The following SNRNP40 variants were observed in gnomAD, a reference collection of about 807,000 sequenced individuals.
SNRNP40 encodes the protein small nuclear ribonucleoprotein U5 subunit 40, also known as U5 small nuclear ribonucleoprotein 40 kDa protein.
A neutral mutation model predicts 45.8 loss-of-function variants in SNRNP40; 21 were observed. That is an observed-to-expected ratio of 0.46 (90% CI 0.32 to 0.66). SNRNP40 has a LOEUF of 0.66. Among genes scored for constraint, SNRNP40 ranks in the 30% least tolerant of loss-of-function variants. The pLI, the probability that SNRNP40 is intolerant of heterozygous loss-of-function variation, is 0.03. For missense variants in SNRNP40, 344 were observed against 439.1 expected, an observed-to-expected ratio of 0.78 and a Z score of 1.94; for synonymous variants, 142 against 163.8, an observed-to-expected ratio of 0.87 and a Z score of 1.01.
chr1:31,261,759 G>A (rs900153225), intron 8 of SNRNP40, 127 bp from the exon 9 acceptor site: 16 of 604,880 alleles, frequency 2.6e-5, no homozygotes, highest in African/African-American at 2.6e-4. Context: ...ACCATGTTCT[G>A]GCTTTTAGAA....
In SNRNP40 at chr1:31,296,718, A is replaced by C. The variant is rs1382590357; in HGVS notation, c.34T>G (p.Leu12Val). 3 of 1,612,858 alleles carry C rather than the reference A, an allele frequency of 1.9e-6. No homozygotes were observed. The highest frequency in any genetic ancestry group is 1.3e-5 in the African/African-American group (1 of 74,942). Residue 12 changes from leucine (L) to valine (V), a missense_variant, in exon 1 of 10, where the codon TTG becomes GTG. This residue lies in a region of SNRNP40 where 90 missense variants were observed against 58.9 expected (regional missense o/e 1.53). Transcript: ENST00000263694. Reference protein sequence around the residue: ...IEQQKRKGPELPLVPVKRQRH... With the variant: ...IEQQKRKGPEVPLVPVKRQRH... Reference sequence around the variant, plus strand: ...TGCCGCTTGACTGGAACCAGCGGCAACTCTGGGCCCTTACGCTTCTGCTGT... The same window carrying C: ...TGCCGCTTGACTGGAACCAGCGGCACCTCTGGGCCCTTACGCTTCTGCTGT...
chr1:31,259,657 A>T lies in SNRNP40; in HGVS notation c.*415T>A. 2.4e-6 allele frequency: 1 copy of T among 414,484 alleles called. No individual in the cohort carries two copies. Among genetic ancestry groups the T allele is most frequent in the Non-Finnish European group, 4.6e-6 (1 of 216,750 alleles). The allele number at this position is 414,484 out of a possible 1,614,324, so 25.7% of individuals were successfully genotyped here. A position where few individuals can be genotyped will look rare whatever the true frequency, so the allele number is the denominator to read the frequency against. On this transcript the variant is annotated 3_prime_UTR_variant, in exon 10 of 10. Transcript: ENST00000263694. ...AGCCTCAAAAAAAAGACAGCAATAAATCCAATCCACATGGCTCTTGTAAAA... is the reference window on the plus strand; with the variant it reads ...AGCCTCAAAAAAAAGACAGCAATAATTCCAATCCACATGGCTCTTGTAAAA...
Position 31,259,735 on chromosome 1 carries a change from A to C in SNRNP40, c.*337T>G. ...ATGATATAGAGAAATACAGAAAGAA[A>C]ATATCATACAAGCCAGTTACAAAAA... On this transcript the variant is annotated 3_prime_UTR_variant, in exon 10 of 10. Transcript: ENST00000263694. 1 of 489,952 alleles carries C rather than the reference A, an allele frequency of 2.0e-6. No individual in the cohort carries two copies. The highest frequency in any genetic ancestry group is 3.8e-6 in the Non-Finnish European group (1 of 262,548). The allele number at this position is 489,952 out of a possible 1,614,324, so 30.4% of individuals were successfully genotyped here.
chr1:31,269,366 C>A, intron 6 of SNRNP40, 126 bp from the exon 7 acceptor site: 3 of 1,497,244 alleles, frequency 2.0e-6, no homozygotes, highest in Non-Finnish European at 2.7e-6. Flanking sequence ...TGGGCAAAGT[C>A]CAACTTGACA....
chr1:31,288,445 C>A (rs1336536443), intron 4 of SNRNP40, among the ~76,000 whole-genome samples: 1 of 152,184 alleles, frequency 6.6e-6, no homozygotes, highest in East Asian at 1.9e-4. Flanking sequence ...GAATGTGAGA[C>A]TGGCTACACT....
Position 31,281,362 on chromosome 1 carries a change from C to A in SNRNP40, c.654+12G>T. Reference sequence around the variant, plus strand: ...AGATGAAATGGAAATATATCATAAACATCAAACATACCTTGATATCATTGT... The same window carrying A: ...AGATGAAATGGAAATATATCATAAAAATCAAACATACCTTGATATCATTGT... On this transcript the variant is annotated intron_variant, in intron 5 of 9. Coordinates refer to ENST00000263694, the MANE Select transcript of SNRNP40 (RefSeq NM_004814.3). The A allele has an allele frequency of 6.4e-7, 1 of 1,569,834 alleles. No homozygotes were observed. Among genetic ancestry groups the A allele is most frequent in the South Asian group, 1.1e-5 (1 of 86,976 alleles).
At chr1:31,262,521 C>CAAAAAAAAA (rs57503418) in intron 8 of SNRNP40, among the ~76,000 whole-genome samples, 1 of 40,618 alleles carries the variant, frequency 2.5e-5, no homozygotes, top group African/African-American at 8.6e-5. Flanking sequence ...ACTCCATCTC[C>CAAAAAAAAA]AAAAAAAAAA....
At chr1:31,260,934 T>TA (rs754500422) in intron 9 of SNRNP40, 2,236 of 974,126 alleles carry the variant, frequency 2.3e-3, no homozygotes, top group Admixed American at 5.1e-3. Context: ...GGAAGTAAAT[T>TA]TAAAAAAAAA....
intron 5 of SNRNP40, among the ~76,000 whole-genome samples, chr1:31,277,244 T>A (rs775419912): frequency 1.3e-5 from 2 of 152,202 alleles, no homozygotes; most frequent in Non-Finnish European, 2.9e-5. Context: ...AATGTTTACA[T>A]ACAAAACATT....
At chr1:31,262,429 G>C (rs1359720601) in intron 8 of SNRNP40, among the ~76,000 whole-genome samples, 2 of 149,448 alleles carry the variant, frequency 1.3e-5, no homozygotes, top group African/African-American at 5.0e-5. Flanking sequence ...GCTGAGGCAG[G>C]AGAATTGCCT....
At chr1:31,274,824 G>C (rs1297590230) in intron 5 of SNRNP40, among the ~76,000 whole-genome samples, 2 of 151,998 alleles carry the variant, frequency 1.3e-5, no homozygotes, top group Non-Finnish European at 2.9e-5. Context: ...GAGATTGGTG[G>C]GAACAGCATT....
intron 4 of SNRNP40, 44 bp from the exon 5 acceptor site, chr1:31,281,540 G>C (rs772434252): frequency 6.4e-7 from 1 of 1,567,446 alleles, no homozygotes. Context: ...ATCATTCTAA[G>C]AAGCAATTGC....
intron 5 of SNRNP40, among the ~76,000 whole-genome samples, chr1:31,277,137 C>T (rs1235413359): frequency 1.3e-5 from 2 of 152,082 alleles, no homozygotes; most frequent in Non-Finnish European, 2.9e-5. Flanking sequence ...GTCATGGCAG[C>T]AGTGAGCCAT....
rs766560530 is a variant in SNRNP40 at position 31,261,039 on chromosome 1, C to T, written c.1024+490G>A. The T allele has an allele frequency of 2.3e-5, 30 of 1,281,324 alleles. 1 individual carries two copies. The highest frequency in any genetic ancestry group is 1.5e-4 in the South Asian group (12 of 80,438). The allele number at this position is 1,281,324 out of a possible 1,614,324, so 79.4% of individuals were successfully genotyped here. A position where few individuals can be genotyped will look rare whatever the true frequency, so the allele number is the denominator to read the frequency against. On this transcript the variant is annotated intron_variant, in intron 9 of 9. Transcript: ENST00000263694. ...AGCAATGGTGAGACTGACATTGATA[C>T]CCACATAAAGACTGTTTGCAGCTGG... is the stretch of plus-strand genomic sequence containing the variant.
chr1:31,269,302 G>A (rs763628782), intron 6 of SNRNP40, 62 bp from the exon 7 acceptor site: 33 of 1,597,850 alleles, frequency 2.1e-5, no homozygotes, highest in Non-Finnish European at 3.4e-6. Flanking sequence ...GGCCTCCTGG[G>A]CACCCAGCTG....
At chr1:31,262,075 TCAAA>T (rs1645862657) in intron 8 of SNRNP40, among the ~76,000 whole-genome samples, 1 of 152,202 alleles carries the variant, frequency 6.6e-6, no homozygotes, top group Admixed American at 6.5e-5. Context: ...AGTACTGTAT[TCAAA>T]CAGAGACCTG....
At chr1:31,278,856 A>G (rs143968137) in intron 5 of SNRNP40, among the ~76,000 whole-genome samples, 41 of 152,292 alleles carry the variant, frequency 2.7e-4, no homozygotes, top group Middle Eastern at 3.4e-3. Flanking sequence ...ACACAGCGAG[A>G]AAAGCAAAGG....
At chr1:31,273,855 C>T (rs755251815) in intron 5 of SNRNP40, among the ~76,000 whole-genome samples, 5 of 151,892 alleles carry the variant, frequency 3.3e-5, no homozygotes, top group Non-Finnish European at 7.4e-5. Context: ...CAGTTGCATA[C>T]GGGTCAGAGG....
intron 1 of SNRNP40, among the ~76,000 whole-genome samples, chr1:31,294,315 T>G (rs12566574): frequency 0.2 from 29,851 of 152,082 alleles, 3,574 homozygotes; most frequent in East Asian, 0.47. Flanking sequence ...TGAAGTAGTT[T>G]TGATTATGGT....
Sources: gnomAD v4.1 joint callset for allele counts (sites outside exome capture counted in the v4.1 genomes callset) on GRCh38, gnomAD v4.1.1 for gene constraint, gnomAD v4.1.1 regional missense constraint, MANE v1.5 for transcripts, NCBI Gene and HGNC (gene_info 2026-07-23, HGNC 2026-07-21) for gene names.